The following MOXD1 variants were observed in gnomAD, a reference collection of about 807,000 sequenced individuals.
MOXD1 encodes monooxygenase DBH like 1, also known as DBH-like monooxygenase protein 1.
Under a neutral mutation model 66.6 loss-of-function variants are expected in MOXD1, and 62 were observed. That is an observed-to-expected ratio of 0.93 (90% confidence interval 0.76 to 1.15). The LOEUF (loss-of-function observed/expected upper bound fraction) is 1.15. MOXD1 is among the 50% of genes most tolerant of loss of function. The probability of loss-of-function intolerance (pLI) is 0.00; values close to 1 mark genes in which losing one functional copy is unlikely to be tolerated. For missense variants in MOXD1, 847 were observed against 754.6 expected, an observed-to-expected ratio of 1.12 and a Z score of -1.44; for synonymous variants, 303 against 281.9, an observed-to-expected ratio of 1.07 and a Z score of -0.75.
Position 132,297,947 on chromosome 6 carries a change from G to A in MOXD1, c.1517C>T (p.Pro506Leu). The change falls in exon 11 of 12, where the codon CCT (proline) becomes CTT (leucine). Residue 506 changes from proline to leucine, a missense_variant. Physicochemically the swap from Pro to Leu is moderately conservative, Grantham distance 98. Coordinates refer to ENST00000367963, the MANE Select transcript of MOXD1 (RefSeq NM_015529.4). ...TTGCTTGGGACTTTTGATAATGAAA[G>A]GCCAGGTCCTGAATTTAAAAGACAC... ...KEIYRPVTTW[P>L]FIIKSPKQYK... is the part of the protein sequence containing the mutation. 6.2e-7 allele frequency: 1 copy of A among 1,605,770 alleles called. No homozygotes were observed. Among genetic ancestry groups the A allele is most frequent in the Non-Finnish European group, 8.5e-7 (1 of 1,177,462 alleles).
intron 4 of MOXD1, among the ~76,000 whole-genome samples, chr6:132,337,591 G>T (rs1775467018): frequency 6.6e-6 from 1 of 152,094 alleles, no homozygotes; most frequent in Non-Finnish European, 1.5e-5. Context: ...GATGAAAGAG[G>T]TAACATGTTA....
intron 6 of MOXD1, among the ~76,000 whole-genome samples, chr6:132,324,674 A>G (rs987470016): frequency 6.6e-6 from 1 of 152,216 alleles, no homozygotes; most frequent in African/African-American, 2.4e-5. Context: ...TCCATTAGGC[A>G]TTGTGGGGAT....
chr6:132,310,678 G>A (rs1774808065), intron 10 of MOXD1, among the ~76,000 whole-genome samples: 1 of 152,170 alleles, frequency 6.6e-6, no homozygotes, highest in African/African-American at 2.4e-5. Flanking sequence ...AAAAAGGAAT[G>A]AGATCATGTC....
chr6:132,328,166 C>T (rs1775229830), intron 5 of MOXD1, 51 bp from the exon 6 acceptor site: 4 of 1,471,928 alleles, frequency 2.7e-6, no homozygotes, highest in Non-Finnish European at 2.8e-6. Context: ...TCCCTGAGAG[C>T]TCTATTCCAC....
chr6:132,300,534 C>A (rs1385493641), intron 10 of MOXD1, among the ~76,000 whole-genome samples: 2 of 152,208 alleles, frequency 1.3e-5, no homozygotes, highest in Non-Finnish European at 2.9e-5. Flanking sequence ...GGTGGCACGA[C>A]AGCTTTACTA....
At chr6:132,321,040 G>A (rs946576745) in intron 8 of MOXD1, among the ~76,000 whole-genome samples, 5 of 152,188 alleles carry the variant, frequency 3.3e-5, no homozygotes, top group African/African-American at 1.2e-4. Context: ...GGCAAGGCAG[G>A]TGGATCACGA....
chr6:132,390,937 G>A (rs1298163953), intron 1 of MOXD1: 3 of 151,508 alleles, frequency 2.0e-5, no homozygotes, highest in African/African-American at 7.2e-5. Flanking sequence ...AAATGTATCT[G>A]ATTATACATG....
intron 7 of MOXD1, among the ~76,000 whole-genome samples, 169 bp from the exon 8 acceptor site, chr6:132,323,039 G>A (rs186485323): frequency 2.6e-5 from 4 of 152,338 alleles, no homozygotes; most frequent in South Asian, 2.1e-4. Flanking sequence ...TTCTCCTTGT[G>A]AAGCAACATT....
chr6:132,397,136 C>T (rs941452197), intron 1 of MOXD1, among the ~76,000 whole-genome samples: 1 of 152,208 alleles, frequency 6.6e-6, no homozygotes, highest in Non-Finnish European at 1.5e-5. Context: ...TACCACAGCA[C>T]CAGGCAAGGT....
intron 10 of MOXD1, among the ~76,000 whole-genome samples, chr6:132,311,917 G>C (rs563293710): frequency 6.6e-6 from 1 of 151,832 alleles, no homozygotes; most frequent in Non-Finnish European, 1.5e-5. Context: ...TTTTAAATAG[G>C]AAAAACATAA....
At chr6:132,306,233 C>T (rs1562277204) in intron 10 of MOXD1, among the ~76,000 whole-genome samples, 1 of 151,686 alleles carries the variant, frequency 6.6e-6, no homozygotes, top group Non-Finnish European at 1.5e-5. Flanking sequence ...ATATCAACAG[C>T]CGAATCAACC....
intron 1 of MOXD1, among the ~76,000 whole-genome samples, chr6:132,392,668 T>C (rs768186664): frequency 6.6e-6 from 1 of 152,194 alleles, no homozygotes; most frequent in Non-Finnish European, 1.5e-5. Context: ...CTGTGAAAGA[T>C]GGTGTAGAAA....
intron 6 of MOXD1, among the ~76,000 whole-genome samples, chr6:132,324,438 A>G (rs1300843423): frequency 1.3e-5 from 2 of 152,222 alleles, no homozygotes; most frequent in Non-Finnish European, 2.9e-5. Context: ...ATTCATTAGA[A>G]TATAGAATAA....
chr6:132,349,201 G>T (rs2114620861), intron 4 of MOXD1, among the ~76,000 whole-genome samples: 1 of 147,476 alleles, frequency 6.8e-6, no homozygotes, highest in East Asian at 2.0e-4. Flanking sequence ...TCATAGCTTA[G>T]CTCCTATATA....
At chr6:132,303,086 T>C (rs1300821747) in intron 10 of MOXD1, among the ~76,000 whole-genome samples, 3 of 104,548 alleles carry the variant, frequency 2.9e-5, no homozygotes, top group African/African-American at 2.5e-4. Context: ...CTGTGAACTT[T>C]TCAGGGGGAA....
chr6:132,398,836 G>A lies in MOXD1; in HGVS notation c.264+2327C>T, dbSNP rs191969365. On this transcript the variant is annotated intron_variant, in intron 1 of 11. Coordinates refer to ENST00000367963, the MANE Select transcript of MOXD1 (RefSeq NM_015529.4). ...CGCCTGTAATCCCAGCTACTCGGGA[G>A]GCTGAGGCACGAGAATCACTTGAAC... Among the ~76,000 whole-genome samples, 5 of 151,136 alleles carry A rather than the reference G, an allele frequency of 3.3e-5. No homozygotes were observed. In the East Asian group the frequency reaches 9.8e-4, roughly 30 times the overall value.
At chr6:132,328,165 G>A (rs748514692) in intron 5 of MOXD1, 50 bp from the exon 6 acceptor site, 3 of 1,496,058 alleles carry the variant, frequency 2.0e-6, no homozygotes, top group Middle Eastern at 1.7e-4. Context: ...GTCCCTGAGA[G>A]CTCTATTCCA....
intron 10 of MOXD1, among the ~76,000 whole-genome samples, chr6:132,305,425 C>T (rs899623886): frequency 3.3e-5 from 5 of 152,252 alleles, no homozygotes; most frequent in Non-Finnish European, 7.3e-5. Context: ...CAGCAGGCTT[C>T]GCCTTTCCTC....
rs538657497 is a variant in MOXD1, at chr6:132,310,726, C to CCT, written c.1508+4908_1508+4909insAG. Among the ~76,000 whole-genome samples the CCT allele has an allele frequency of 2.0e-3, 310 of 152,180 alleles. 2 individuals carry two copies. The highest frequency in any genetic ancestry group is 7.1e-3 in the African/African-American group (294 of 41,528). On this transcript the variant is annotated intron_variant, in intron 10 of 11. Transcript: ENST00000367963. ...ATGGATGAAGATGGAAGCCAATGTC[C>CCT]TCAGTGAACTGACACAGGAACAGAA...
Sources: allele counts gnomAD v4.1 joint callset (sites outside exome capture counted in the v4.1 genomes callset), GRCh38; gene constraint gnomAD v4.1.1; transcripts MANE v1.5; gene names NCBI Gene and HGNC (gene_info 2026-07-23, HGNC 2026-07-21).